The following SMYD3 variants were observed in gnomAD, a reference collection of about 807,000 sequenced individuals.
SMYD3 encodes the protein histone-lysine N-methyltransferase SMYD3.
SMYD3 carries 36 observed loss-of-function variants against 57.7 expected under a neutral mutation model. The observed-to-expected ratio is 0.62, with a 90% confidence interval of 0.48 to 0.82. SMYD3 has a LOEUF of 0.82. SMYD3 is among the 40% of genes least tolerant of loss of function. The pLI, the probability that SMYD3 is intolerant of heterozygous loss-of-function variation, is 0.00. For missense variants in SMYD3, 515 were observed against 538.8 expected (o/e 0.96, Z 0.44); for synonymous variants, 211 against 195.0 (o/e 1.08, Z -0.68).
chr1:246,434,651 T>G (rs567842745), intron 1 of SMYD3, among the ~76,000 whole-genome samples: 1 of 152,226 alleles, frequency 6.6e-6, no homozygotes. Flanking sequence ...ACAGAACAGA[T>G]GCTGGCGAGG....
At position 246,036,944 on chromosome 1, in the gene SMYD3, T is replaced by C. The variant is rs117802172; in HGVS notation, c.532-107007A>G. Among the ~76,000 whole-genome samples the C allele has an allele frequency of 1.4e-4, 22 of 152,154 alleles. No homozygotes were observed. The East Asian group carries it at 4.3e-3, about 30-fold the overall frequency. On this transcript the variant is annotated intron_variant, in intron 5 of 11. Coordinates refer to ENST00000490107, the MANE Select transcript of SMYD3 (RefSeq NM_001167740.2). ...GTACTCTTAATGGCATAACTGAGCGTTGATTTCATATGAGGACACAAAGAG... is the reference window on the plus strand; with the variant it reads ...GTACTCTTAATGGCATAACTGAGCGCTGATTTCATATGAGGACACAAAGAG...
chr1:245,771,259 G>A (rs1484182551), intron 10 of SMYD3, among the ~76,000 whole-genome samples: 1 of 151,990 alleles, frequency 6.6e-6, no homozygotes, highest in African/African-American at 2.4e-5. Context: ...TTCAGCAAAG[G>A]GAAAAAGAAG....
intron 5 of SMYD3, among the ~76,000 whole-genome samples, chr1:246,243,672 A>G (rs911632130): frequency 3.9e-5 from 6 of 151,918 alleles, no homozygotes; most frequent in Admixed American, 3.9e-4. Context: ...CTTTGGCTAA[A>G]TCTATTCTAT....
At chr1:245,986,770 A>G (rs1176133239) in intron 5 of SMYD3, among the ~76,000 whole-genome samples, 1 of 152,230 alleles carries the variant, frequency 6.6e-6, no homozygotes, top group East Asian at 1.9e-4. Flanking sequence ...GTCAAAGAGA[A>G]TATGCTAAGT....
chr1:246,098,634 T>C (rs2060956572), intron 5 of SMYD3, among the ~76,000 whole-genome samples: 1 of 152,250 alleles, frequency 6.6e-6, no homozygotes, highest in African/African-American at 2.4e-5. Flanking sequence ...ACTTTATCTA[T>C]ACTGTTCTAA....
intron 5 of SMYD3, among the ~76,000 whole-genome samples, chr1:246,102,743 C>CAAAA (rs746820906): frequency 1.4e-5 from 2 of 145,886 alleles, no homozygotes; most frequent in East Asian, 2.1e-4. Context: ...CCTTGGCTCT[C>CAAAA]AAAAAAAAAA....
intron 5 of SMYD3, among the ~76,000 whole-genome samples, chr1:246,098,378 G>A (rs2060951323): frequency 6.6e-6 from 1 of 152,182 alleles, no homozygotes; most frequent in African/African-American, 2.4e-5. Flanking sequence ...ATCCTGCTGT[G>A]TGAAGAGGGT....
intron 5 of SMYD3, among the ~76,000 whole-genome samples, chr1:245,941,193 G>T (rs770261624): frequency 6.6e-6 from 1 of 152,174 alleles, no homozygotes; most frequent in Admixed American, 6.5e-5. Flanking sequence ...ACGAATGATT[G>T]GGGTACCTGA....
chr1:246,463,833 C>CAAA (rs35826530), intron 1 of SMYD3, among the ~76,000 whole-genome samples: 2,867 of 70,288 alleles, frequency 0.041, 224 homozygotes, highest in Middle Eastern at 0.053. Context: ...GACCCCGTCT[C>CAAA]AAAAAAAAAA....
chr1:246,496,270 G>A (rs1333105459), intron 1 of SMYD3, among the ~76,000 whole-genome samples: 3 of 151,928 alleles, frequency 2.0e-5, no homozygotes, highest in South Asian at 2.1e-4. Context: ...TCTTGACCTC[G>A]TGATCTGCCC....
At chr1:246,042,423 G>A (rs2059894198) in intron 5 of SMYD3, among the ~76,000 whole-genome samples, 3 of 152,122 alleles carry the variant, frequency 2.0e-5, no homozygotes, top group African/African-American at 7.2e-5. Flanking sequence ...ATTCCTAACT[G>A]CAGATTAAGC....
At chr1:246,440,672 C>T (rs749511365) in intron 1 of SMYD3, among the ~76,000 whole-genome samples, 1 of 151,962 alleles carries the variant, frequency 6.6e-6, no homozygotes, top group South Asian at 2.1e-4. Flanking sequence ...TGAAGATCTT[C>T]GATGTGACTA....
chr1:246,447,484 C>T (rs1415322638), intron 1 of SMYD3, among the ~76,000 whole-genome samples: 7 of 152,114 alleles, frequency 4.6e-5, no homozygotes, highest in African/African-American at 1.7e-4. Flanking sequence ...AACAAAATTT[C>T]CAGAAGTTTC....
chr1:245,867,572 T>G (rs1037047832), intron 8 of SMYD3, among the ~76,000 whole-genome samples: 1 of 151,892 alleles, frequency 6.6e-6, no homozygotes, highest in Non-Finnish European at 1.5e-5. Context: ...GATAGAGCAG[T>G]AAATAAATCA....
At chr1:245,854,386 T>C (rs991417778) in intron 10 of SMYD3, among the ~76,000 whole-genome samples, 2 of 152,184 alleles carry the variant, frequency 1.3e-5, no homozygotes, top group Non-Finnish European at 2.9e-5. Flanking sequence ...ACCCTATGGA[T>C]TCAATTAATC....
chr1:246,362,161 T>G (rs190540271), intron 1 of SMYD3, among the ~76,000 whole-genome samples: 42 of 152,268 alleles, frequency 2.8e-4, no homozygotes, highest in Non-Finnish European at 5.4e-4. Flanking sequence ...GATACTGATC[T>G]CTCCATATCA....
At chr1:246,158,225 T>C (rs1034158912) in intron 5 of SMYD3, among the ~76,000 whole-genome samples, 5 of 152,184 alleles carry the variant, frequency 3.3e-5, no homozygotes, top group African/African-American at 9.7e-5. Context: ...TCTCCATCAT[T>C]GGTGCAAAAT....
intron 1 of SMYD3, among the ~76,000 whole-genome samples, chr1:246,358,864 G>A (rs757503577): frequency 1.3e-5 from 2 of 152,160 alleles, no homozygotes; most frequent in Non-Finnish European, 2.9e-5. Context: ...CGAAAAGCCT[G>A]AAGGAGCACA....
chr1:246,279,567 T>G (rs2064404302), intron 5 of SMYD3, among the ~76,000 whole-genome samples: 1 of 152,080 alleles, frequency 6.6e-6, no homozygotes, highest in South Asian at 2.1e-4. Context: ...CCAATGGTTA[T>G]GTGCATGGGG....
Sources: allele counts gnomAD v4.1 joint callset (sites outside exome capture counted in the v4.1 genomes callset), GRCh38; gene constraint gnomAD v4.1.1; transcripts MANE v1.5; gene names NCBI Gene and HGNC (gene_info 2026-07-23, HGNC 2026-07-21).